The following RGPD3 variants were observed in gnomAD, a reference collection of about 807,000 sequenced individuals.
RGPD3 encodes the protein RANBP2 like and GRIP domain containing 3.
In RGPD3, 62 loss-of-function variants were observed where a neutral mutation model predicts 154.5. The observed-to-expected ratio is 0.40, with a 90% CI of 0.33 to 0.50. The LOEUF is 0.50. Among genes scored for constraint, RGPD3 ranks in the 20% least tolerant of loss-of-function variants. The pLI, the probability that RGPD3 is intolerant of heterozygous loss-of-function variation, is 0.59. For synonymous variants in RGPD3, 308 were observed against 607.0 expected, an observed-to-expected ratio of 0.51 and a Z score of 7.24; for missense variants, 919 against 1,716.8, an observed-to-expected ratio of 0.54 and a Z score of 8.21.
At chr2:106,438,334 A>G (rs907062398) in intron 9 of RGPD3, among the ~76,000 whole-genome samples, 3 of 151,540 alleles carry the variant, frequency 2.0e-5, no homozygotes, top group African/African-American at 7.3e-5. Context: ...ATTAAAAAAA[A>G]AAAATTATCT....
chr2:106,410,499 C>T (rs575432379), intron 22 of RGPD3, among the ~76,000 whole-genome samples: 6 of 152,240 alleles, frequency 3.9e-5, no homozygotes, highest in African/African-American at 1.2e-4. Context: ...GCCACCTGGA[C>T]GTTAGCAACA....
In RGPD3 at chr2:106,425,302, C is replaced by T. The variant is rs771092062; in HGVS notation, c.2701-36G>A. 5.8e-5 allele frequency: 93 copies of T among 1,609,048 alleles called. No individual in the cohort carries two copies. In the Admixed American group the frequency reaches 1.5e-3, roughly 26 times the overall value. ...AATGAAGGTGAATTTTCTTGATCCA[C>T]ATGCCCAAAATAGTCATGAAATACA... On this transcript the variant is annotated intron_variant, in intron 19 of 22. Transcript: ENST00000409886.
chr2:106,416,020 C>G, intron 20 of RGPD3, 31 bp from the exon 21 acceptor site: 1 of 1,610,720 alleles, frequency 6.2e-7, no homozygotes, highest in Non-Finnish European at 8.5e-7. Flanking sequence ...AATTAATTTT[C>G]AAAATCATAC....
intron 18 of RGPD3, among the ~76,000 whole-genome samples, chr2:106,428,696 A>C (rs560974305): frequency 6.6e-6 from 1 of 151,538 alleles, no homozygotes; most frequent in South Asian, 2.1e-4. Flanking sequence ...AGAGAGAGAG[A>C]AAAAAAAGGG....
chr2:106,424,214 G>A lies in RGPD3; in HGVS notation c.3753C>T (p.Asn1251=), dbSNP rs768442396. 1 of 1,611,966 alleles carries A rather than the reference G, an allele frequency of 6.2e-7. No homozygotes were observed. The highest frequency in any genetic ancestry group is 1.1e-5 in the South Asian group (1 of 90,972). ...ENTGPTLEWD[N]YDLREDALDD... ...CCAAAGCATCTTCCCTTAAATCATA[G>A]TTATCCCATTCTAATGTGGGCCCAG... The change falls in exon 20 of 23, where the codon AAC becomes AAT. Residue 1251 remains asparagine, a synonymous_variant. Coordinates refer to ENST00000409886, the MANE Select transcript of RGPD3 (RefSeq NM_001144013.2).
Position 106,425,149 on chromosome 2 carries a change from G to C in RGPD3, c.2818C>G (p.Pro940Ala). ...TGTAAGCCAGTATCATTTTCAAGAG[G>C]CTTTTCACTTTTCTTTTCTTGATTT... ...PGNQEKKSEK[P>A]LENDTGLQAQ... The change falls in exon 20 of 23, where the codon CCT (proline) becomes GCT (alanine). Residue 940 changes from proline to alanine, a missense_variant. Coordinates refer to ENST00000409886, the MANE Select transcript of RGPD3 (RefSeq NM_001144013.2). 1 of 1,611,904 alleles carries C rather than the reference G, an allele frequency of 6.2e-7. No individual in the cohort carries two copies. The highest frequency in any genetic ancestry group is 8.5e-7 in the Non-Finnish European group (1 of 1,179,836).
intron 6 of RGPD3, among the ~76,000 whole-genome samples, chr2:106,448,911 T>C (rs1252538787): frequency 1.3e-5 from 2 of 150,884 alleles, no homozygotes; most frequent in Non-Finnish European, 3.0e-5. Context: ...TGGGATGGTC[T>C]CGATCTCCTG....
rs1217394041 is a variant in RGPD3, at chr2:106,403,701, T to G, written c.*1518A>C. ...AAAACTAAACTCTTCATGTCGGCTC[T>G]GAAATAGATGCATTTTCATTCATAC... On this transcript the variant is annotated 3_prime_UTR_variant, in exon 23 of 23. Transcript: ENST00000409886. 6.6e-6 allele frequency among the ~76,000 whole-genome samples: 1 copy of G among 152,288 alleles called. No individual in the cohort carries two copies. Among genetic ancestry groups the G allele is most frequent in the Non-Finnish European group, 1.5e-5 (1 of 68,052 alleles).
At chr2:106,465,782 G>A (rs976165419) in intron 1 of RGPD3, among the ~76,000 whole-genome samples, 2 of 151,798 alleles carry the variant, frequency 1.3e-5, no homozygotes, top group Admixed American at 1.3e-4. Context: ...AGGGAGGGGG[G>A]CGAGGGAGGT....
At chr2:106,451,087 CAA>C (rs10690405) in intron 6 of RGPD3, among the ~76,000 whole-genome samples, 3 of 108,714 alleles carry the variant, frequency 2.8e-5, no homozygotes, top group African/African-American at 1.2e-4. Flanking sequence ...GACTCCCTCT[CAA>C]AAAAAAAAAA....
intron 1 of RGPD3, among the ~76,000 whole-genome samples, chr2:106,460,319 TCTC>T (rs1678371683): frequency 6.6e-6 from 1 of 151,620 alleles, no homozygotes; most frequent in East Asian, 2.0e-4. Context: ...AGAAATCTCT[TCTC>T]CTACCATGTG....
At chr2:106,441,170 T>C in intron 8 of RGPD3, 123 bp downstream of exon 8, 2 of 1,411,148 alleles carry the variant, frequency 1.4e-6, no homozygotes, top group Non-Finnish European at 1.9e-6. Context: ...TCTTAACTGA[T>C]ACGGCGAAAA....
In RGPD3 at chr2:106,451,631, C is replaced by T. The variant is rs1202125970; in HGVS notation, c.782+574G>A. 4.6e-5 allele frequency among the ~76,000 whole-genome samples: 7 copies of T among 151,204 alleles called. No homozygotes were observed. In the East Asian group the frequency reaches 9.8e-4, roughly 21 times the overall value. ...CACAAGTTCTAATCAACAACCCCTG[C>T]TCTAAACTAACATCTTTATACAAAT... On this transcript the variant is annotated intron_variant, in intron 6 of 22. Transcript: ENST00000409886.
chr2:106,466,145 A>G (rs1678572250), intron 1 of RGPD3, among the ~76,000 whole-genome samples: 1 of 151,960 alleles, frequency 6.6e-6, no homozygotes, highest in East Asian at 1.9e-4. Flanking sequence ...CGGGCCCAGG[A>G]GCGAGCACCG....
Position 106,404,874 on chromosome 2 carries a change from G to C in RGPD3, c.*345C>G, listed in dbSNP as rs1676458946. The C allele has an allele frequency of 9.6e-6, 3 of 313,758 alleles. No individual in the cohort carries two copies. Among genetic ancestry groups the C allele is most frequent in the East Asian group, 1.3e-4 (2 of 15,148 alleles). The allele number at this position is 313,758 out of a possible 1,614,324, so 19.4% of individuals were successfully genotyped here. A position where few individuals can be genotyped will look rare whatever the true frequency, so the allele number is the denominator to read the frequency against. Reference sequence around the variant, plus strand: ...TACTGCCGAGAAATGGGCGGGTCCTGAGGTTCCAGAGAAGTGGGGAGTGAA... The same window carrying C: ...TACTGCCGAGAAATGGGCGGGTCCTCAGGTTCCAGAGAAGTGGGGAGTGAA... On this transcript the variant is annotated 3_prime_UTR_variant, in exon 23 of 23. Transcript: ENST00000409886.
chr2:106,427,276 G>T (rs1376451280), intron 18 of RGPD3, among the ~76,000 whole-genome samples: 2 of 151,768 alleles, frequency 1.3e-5, no homozygotes, highest in Non-Finnish European at 2.9e-5. Flanking sequence ...AGGTTGCATT[G>T]TGCAAATTGA....
chr2:106,466,210 G>C (rs373877620), intron 1 of RGPD3, among the ~76,000 whole-genome samples: 9 of 152,244 alleles, frequency 5.9e-5, no homozygotes, highest in East Asian at 3.9e-4. Flanking sequence ...CGGCGCCAAC[G>C]GTCTCCCGCC....
chr2:106,437,499 G>A (rs1371814400), intron 9 of RGPD3, among the ~76,000 whole-genome samples: 3 of 152,068 alleles, frequency 2.0e-5, no homozygotes, highest in Non-Finnish European at 4.4e-5. Flanking sequence ...GTGACAGAGC[G>A]AGACTCTGTC....
At chr2:106,409,457 T>C (rs1278837463) in intron 22 of RGPD3, among the ~76,000 whole-genome samples, 3 of 152,252 alleles carry the variant, frequency 2.0e-5, no homozygotes, top group East Asian at 3.9e-4. Context: ...AGAAGAGATC[T>C]TGGAAAATAT....
Sources: gnomAD v4.1 joint callset for allele counts (sites outside exome capture counted in the v4.1 genomes callset) on GRCh38, gnomAD v4.1.1 for gene constraint, MANE v1.5 for transcripts, NCBI Gene and HGNC (gene_info 2026-07-23, HGNC 2026-07-21) for gene names.